Variants in SCAI observed in about 807,000 individuals in gnomAD.
SCAI encodes suppressor of cancer cell invasion.
In SCAI, 24 loss-of-function variants were observed where a neutral mutation model predicts 92.2. That is an observed-to-expected ratio of 0.26 (90% confidence interval 0.19 to 0.37). The LOEUF is 0.37. Among genes scored for constraint, SCAI ranks in the 10% least tolerant of loss-of-function variants. SCAI has a pLI of 1.00. For synonymous variants in SCAI, 261 were observed against 258.6 expected, an observed-to-expected ratio of 1.01 and a Z score of -0.09; for missense variants, 450 against 736.2, an observed-to-expected ratio of 0.61 and a Z score of 4.50.
chr9:124,988,418 C>T (rs990784189), intron 14 of SCAI, among the ~76,000 whole-genome samples: 2 of 151,616 alleles, frequency 1.3e-5, no homozygotes, highest in Non-Finnish European at 2.9e-5. Context: ...GAAGCAGATA[C>T]GAGGCAGGGA....
chr9:125,106,650 C>T (rs1410500074), intron 2 of SCAI, among the ~76,000 whole-genome samples: 1 of 151,050 alleles, frequency 6.6e-6, no homozygotes, highest in African/African-American at 2.4e-5. Flanking sequence ...ATTCAAGTTA[C>T]AATCTCTCTC....
chr9:125,045,634 C>T (rs909798754), intron 3 of SCAI, among the ~76,000 whole-genome samples: 1 of 152,170 alleles, frequency 6.6e-6, no homozygotes, highest in Admixed American at 6.5e-5. Context: ...CTGTGCCTGG[C>T]CTGCCTCTAT....
intron 3 of SCAI, among the ~76,000 whole-genome samples, chr9:125,035,012 T>A (rs1315236595): frequency 6.6e-6 from 1 of 152,186 alleles, no homozygotes; most frequent in African/African-American, 2.4e-5. Flanking sequence ...CAGTTTATGT[T>A]CTGTGAAATA....
chr9:125,004,764 TATATATATA>T (rs1457636893), intron 9 of SCAI, among the ~76,000 whole-genome samples: 172 of 10,306 alleles, frequency 0.017, 2 homozygotes, highest in Non-Finnish European at 0.025. Context: ...TATATATATA[TATATATATA>T]TATATATTTT....
intron 17 of SCAI, among the ~76,000 whole-genome samples, chr9:124,969,304 C>G (rs985837373): frequency 6.6e-6 from 1 of 152,034 alleles, no homozygotes; most frequent in African/African-American, 2.4e-5. Context: ...AAATAATATT[C>G]TGAAACCAAA....
chr9:124,999,302 G>A (rs1224626121), intron 13 of SCAI, among the ~76,000 whole-genome samples: 6 of 151,524 alleles, frequency 4.0e-5, no homozygotes, highest in Non-Finnish European at 8.8e-5. Context: ...CAGGAGAATC[G>A]CTTGAACCCA....
chr9:125,113,910 C>T (rs1432538382), intron 2 of SCAI, among the ~76,000 whole-genome samples: 1 of 151,960 alleles, frequency 6.6e-6, no homozygotes, highest in Non-Finnish European at 1.5e-5. Context: ...TGCGGTGAGC[C>T]GAGATCACGC....
chr9:125,067,404 A>C (rs1309795053), intron 2 of SCAI, among the ~76,000 whole-genome samples: 2 of 152,204 alleles, frequency 1.3e-5, no homozygotes, highest in African/African-American at 4.8e-5. Context: ...ACACAGAGAC[A>C]GACACACAGG....
intron 2 of SCAI, among the ~76,000 whole-genome samples, chr9:125,070,958 GT>G (rs1833969252): frequency 6.6e-6 from 1 of 152,230 alleles, no homozygotes; most frequent in Admixed American, 6.5e-5. Flanking sequence ...CATGGGGGCG[GT>G]TTCCCCCATA....
intron 2 of SCAI, among the ~76,000 whole-genome samples, chr9:125,077,346 C>G (rs191571840): frequency 2.0e-5 from 3 of 152,138 alleles, no homozygotes; most frequent in Non-Finnish European, 2.9e-5. Flanking sequence ...AATTTTGTTT[C>G]TCCTTTCAAC....
At chr9:124,983,063 G>A (rs1227913268) in intron 14 of SCAI, among the ~76,000 whole-genome samples, 7 of 151,458 alleles carry the variant, frequency 4.6e-5, no homozygotes, top group African/African-American at 1.7e-4. Flanking sequence ...GACATAGGAG[G>A]ATCTCTTGAG....
At chr9:125,081,273 G>A (rs573246327) in intron 2 of SCAI, among the ~76,000 whole-genome samples, 3 of 152,330 alleles carry the variant, frequency 2.0e-5, no homozygotes, top group Admixed American at 1.3e-4. Context: ...ACAGGAAAAT[G>A]TGGGAAAGTT....
At chr9:124,964,338 T>C (rs1451200499) in intron 17 of SCAI, among the ~76,000 whole-genome samples, 1 of 152,164 alleles carries the variant, frequency 6.6e-6, no homozygotes, top group Non-Finnish European at 1.5e-5. Context: ...AACCCTTCAC[T>C]CCCCACCCTT....
At chr9:125,130,936 CTT>C (rs545651994) in intron 2 of SCAI, among the ~76,000 whole-genome samples, 4 of 77,290 alleles carry the variant, frequency 5.2e-5, no homozygotes, top group African/African-American at 1.5e-4. Context: ...GTTTGAACCG[CTT>C]TTTTTTTTTT....
chr9:125,018,829 G>T lies in SCAI; in HGVS notation c.831C>A (p.Asp277Glu), dbSNP rs200657393. Reference protein sequence around the residue: ...GMIVGQLSLADALIIGNCNNQ... With the variant: ...GMIVGQLSLAEALIIGNCNNQ... ...TATTACAATTACCAATAATGAGTGC[G>T]TCAGCCAGAGACAACTGTCCCACAA... The change falls in exon 9 of 18, where the codon GAC becomes GAA. Residue 277 changes from aspartate (D) to glutamate (E), a missense_variant. Asp to Glu is a conservative substitution (Grantham distance 45, BLOSUM62 2). Transcript: ENST00000336505. 9 of 1,612,104 alleles carry T rather than the reference G, an allele frequency of 5.6e-6. No homozygotes were observed.
intron 17 of SCAI, among the ~76,000 whole-genome samples, chr9:124,960,739 T>A (rs112016979): frequency 2.4e-4 from 36 of 152,304 alleles, no homozygotes; most frequent in African/African-American, 7.9e-4. Flanking sequence ...TGACAAAGGT[T>A]TAGGTTACAC....
chr9:125,020,801 G>T (rs1267818100), intron 6 of SCAI, 32 bp from the exon 7 acceptor site: 8 of 944,798 alleles, frequency 8.5e-6, no homozygotes, highest in Non-Finnish European at 1.3e-5. Flanking sequence ...TTACTCATTA[G>T]ATTAAAAAAG....
chr9:125,044,159 C>A (rs1833388104), intron 3 of SCAI, among the ~76,000 whole-genome samples: 1 of 152,116 alleles, frequency 6.6e-6, no homozygotes, highest in Non-Finnish European at 1.5e-5. Flanking sequence ...GCTGCCTCAG[C>A]CCTCTCCAGA....
At chr9:124,964,058 T>C (rs73666660) in intron 17 of SCAI, among the ~76,000 whole-genome samples, 2,736 of 152,262 alleles carry the variant, frequency 0.018, 77 homozygotes, top group African/African-American at 0.062. Context: ...AATGTTTCTA[T>C]ATGGCACCAA....
Sources: allele counts gnomAD v4.1 joint callset (sites outside exome capture counted in the v4.1 genomes callset), GRCh38; gene constraint gnomAD v4.1.1; transcripts MANE v1.5; gene names NCBI Gene and HGNC (gene_info 2026-07-23, HGNC 2026-07-21).